Variants in RALGPS1 observed in about 807,000 individuals in gnomAD.
The protein encoded by RALGPS1 is Ral GEF with PH domain and SH3 binding motif 1, also known as ras-specific guanine nucleotide-releasing factor RalGPS1.
A neutral mutation model predicts 78.8 loss-of-function variants in RALGPS1; 19 were observed. The observed-to-expected ratio is 0.24, with a 90% confidence interval of 0.17 to 0.35. The LOEUF (loss-of-function observed/expected upper bound fraction) is 0.35, where lower values mean the gene tolerates loss of function less well. Ranked by LOEUF, RALGPS1 falls within the 10% of genes least tolerant of loss-of-function variation. RALGPS1 has a pLI of 1.00. For missense variants in RALGPS1, 454 were observed against 688.3 expected, an observed-to-expected ratio of 0.66 and a Z score of 3.81; for synonymous variants, 228 against 256.3, an observed-to-expected ratio of 0.89 and a Z score of 1.06.
Position 126,917,820 on chromosome 9 carries a change from C to A in RALGPS1, c.-66+2845C>A, listed in dbSNP as rs766365244. ...TTATGTAACCTTGAACAAATCCCTT[C>A]CTGTCTCCAGACCTTGGGTTTCTTA... On this transcript the variant is annotated intron_variant, in intron 1 of 18. Coordinates refer to ENST00000259351, the MANE Select transcript of RALGPS1 (RefSeq NM_014636.3). Among the ~76,000 whole-genome samples the A allele has an allele frequency of 2.9e-4, 44 of 152,344 alleles. 1 individual carries two copies. The highest frequency in any genetic ancestry group is 2.5e-4 in the Non-Finnish European group (17 of 68,028).
chr9:126,945,884 G>A (rs944942599), intron 1 of RALGPS1, among the ~76,000 whole-genome samples: 1 of 152,204 alleles, frequency 6.6e-6, no homozygotes, highest in Admixed American at 6.5e-5. Context: ...TTCAGCTTCC[G>A]TTTGGAGAAG....
intron 4 of RALGPS1, among the ~76,000 whole-genome samples, chr9:126,991,270 C>T (rs551537833): frequency 3.4e-4 from 52 of 152,212 alleles, no homozygotes; most frequent in Non-Finnish European, 6.9e-4. Flanking sequence ...CTCTCTGAGC[C>T]GCAGGATAAG....
chr9:127,131,941 C>G (rs1277227500), intron 8 of RALGPS1, among the ~76,000 whole-genome samples: 3 of 152,236 alleles, frequency 2.0e-5, no homozygotes, highest in Non-Finnish European at 2.9e-5. Flanking sequence ...GTTTCTGATT[C>G]AGTAAATCTG....
intron 4 of RALGPS1, among the ~76,000 whole-genome samples, chr9:127,032,360 C>T (rs1029118439): frequency 2.2e-5 from 3 of 133,366 alleles, no homozygotes; most frequent in African/African-American, 8.4e-5. Context: ...TTCACTCATG[C>T]ACATGTGCGT....
At chr9:126,991,778 G>T (rs1220651947) in intron 4 of RALGPS1, among the ~76,000 whole-genome samples, 1 of 152,234 alleles carries the variant, frequency 6.6e-6, no homozygotes, top group Non-Finnish European at 1.5e-5. Context: ...TAAGAAGATT[G>T]TGGAAGAGGG....
At chr9:127,185,815 G>T (rs1462822607) in intron 11 of RALGPS1, among the ~76,000 whole-genome samples, 1 of 152,140 alleles carries the variant, frequency 6.6e-6, no homozygotes, top group Admixed American at 6.5e-5. Flanking sequence ...TCCAGCTCCT[G>T]CCCCCGAGGT....
chr9:126,997,811 C>G (rs2042910727), intron 4 of RALGPS1, among the ~76,000 whole-genome samples: 1 of 152,224 alleles, frequency 6.6e-6, no homozygotes, highest in African/African-American at 2.4e-5. Context: ...GGTACTGGTA[C>G]CAAAACAGAG....
Position 126,977,119 on chromosome 9 carries a change from T to C in RALGPS1, c.166-576T>C, listed in dbSNP as rs956648146. On this transcript the variant is annotated intron_variant, in intron 3 of 18. Transcript: ENST00000259351. ...TCCAAATGCTTGCTCTCAGCTTCTG[T>C]ACTTCTCTCATTGTGGGCTGGTGGA... Among the ~76,000 whole-genome samples the C allele has an allele frequency of 7.2e-5, 11 of 152,356 alleles. 1 individual carries two copies. The highest frequency in any genetic ancestry group is 2.6e-4 in the African/African-American group (11 of 41,576).
At chr9:127,064,978 C>G (rs534540822) in intron 7 of RALGPS1, among the ~76,000 whole-genome samples, 16 of 151,852 alleles carry the variant, frequency 1.1e-4, no homozygotes, top group African/African-American at 3.9e-4. Context: ...TTGGGTCTTT[C>G]TATTGCCCAG....
At chr9:127,016,436 G>A (rs1243644170) in intron 4 of RALGPS1, among the ~76,000 whole-genome samples, 1 of 152,224 alleles carries the variant, frequency 6.6e-6, no homozygotes, top group Non-Finnish European at 1.5e-5. Flanking sequence ...AACTCCTGCA[G>A]TGGGATGGGC....
intron 5 of RALGPS1, 132 bp downstream of exon 5, chr9:127,034,646 C>A: frequency 1.3e-6 from 1 of 744,812 alleles, no homozygotes; most frequent in Non-Finnish European, 2.4e-6. Context: ...ATATGAGTCC[C>A]CCACCTTTAT....
At chr9:126,925,649 T>A (rs2035203919) in intron 1 of RALGPS1, among the ~76,000 whole-genome samples, 1 of 152,012 alleles carries the variant, frequency 6.6e-6, no homozygotes, top group Non-Finnish European at 1.5e-5. Context: ...GTCCCAGAGT[T>A]GAGTCTAGCT....
At chr9:126,945,635 T>G (rs1374881813) in intron 1 of RALGPS1, among the ~76,000 whole-genome samples, 2 of 152,244 alleles carry the variant, frequency 1.3e-5, no homozygotes, top group Non-Finnish European at 2.9e-5. Flanking sequence ...TCTGCTGTAC[T>G]TGGCTCTGGG....
chr9:126,969,950 G>A (rs187812040), intron 3 of RALGPS1, among the ~76,000 whole-genome samples: 1 of 152,280 alleles, frequency 6.6e-6, no homozygotes, highest in East Asian at 1.9e-4. Flanking sequence ...GGAGTCTTTG[G>A]CCTCTGGGAA....
intron 1 of RALGPS1, among the ~76,000 whole-genome samples, chr9:126,951,989 T>G (rs192553070): frequency 1.6e-4 from 24 of 152,342 alleles, no homozygotes; most frequent in African/African-American, 5.5e-4. Flanking sequence ...ATACAAAATC[T>G]GTGTACAAAA....
intron 4 of RALGPS1, among the ~76,000 whole-genome samples, chr9:126,985,464 C>T (rs1357137850): frequency 6.6e-6 from 1 of 152,102 alleles, no homozygotes; most frequent in African/African-American, 2.4e-5. Context: ...CTGATCTTTC[C>T]AATTCAAATA....
intron 4 of RALGPS1, among the ~76,000 whole-genome samples, chr9:127,025,231 C>T (rs1395608665): frequency 1.3e-5 from 2 of 152,158 alleles, no homozygotes; most frequent in South Asian, 2.1e-4. Flanking sequence ...CTCTGTCATT[C>T]GTGTTTTTGT....
intron 1 of RALGPS1, among the ~76,000 whole-genome samples, chr9:126,932,031 A>G (rs2035840275): frequency 6.6e-6 from 1 of 151,114 alleles, no homozygotes. Context: ...TTAGGCTGTT[A>G]CGTTGGAAAC....
At chr9:127,022,245 A>G (rs977748698) in intron 4 of RALGPS1, among the ~76,000 whole-genome samples, 24 of 152,032 alleles carry the variant, frequency 1.6e-4, no homozygotes, top group African/African-American at 5.8e-4. Flanking sequence ...TCCACGGCCC[A>G]TACTGCCTCC....
Sources: allele counts gnomAD v4.1 joint callset (sites outside exome capture counted in the v4.1 genomes callset), GRCh38; gene constraint gnomAD v4.1.1; transcripts MANE v1.5; gene names NCBI Gene and HGNC (gene_info 2026-07-23, HGNC 2026-07-21).